The following MAT1A variants were observed in gnomAD, a reference collection of about 807,000 sequenced individuals.
MAT1A encodes the protein methionine adenosyltransferase 1A.
MAT1A carries 19 observed loss-of-function variants against 44.0 expected under a neutral mutation model. The observed-to-expected ratio is 0.43, with a 90% confidence interval of 0.30 to 0.63. MAT1A has a LOEUF of 0.63. MAT1A is among the 30% of genes least tolerant of loss of function. The pLI, the probability that MAT1A is intolerant of heterozygous loss-of-function variation, is 0.12. For missense variants in MAT1A, 397 were observed against 531.0 expected (o/e 0.75, Z 2.48); for synonymous variants, 205 against 205.6 (o/e 1.00, Z 0.03).
chr10:80,273,730 C>T lies in MAT1A; in HGVS notation c.*51G>A. On this transcript the variant is annotated 3_prime_UTR_variant, in exon 9 of 9. Coordinates refer to ENST00000372213, the MANE Select transcript of MAT1A (RefSeq NM_000429.3). ...CAGCCAGGCGTCTGGGGAAGAGGAG[C>T]ATGGCCACCAGGTGCCTCCAGGGTG... 1 of 1,322,746 alleles carries T rather than the reference C, an allele frequency of 7.6e-7. No individual in the cohort carries two copies. Among genetic ancestry groups the T allele is most frequent in the East Asian group, 2.3e-5 (1 of 43,488 alleles). The allele number at this position is 1,322,746 out of a possible 1,614,324, so 81.9% of individuals were successfully genotyped here.
rs1485042685 is a variant in MAT1A at position 80,272,282 on chromosome 10, G to A, written c.*1499C>T. 6.5e-6 allele frequency: 1 copy of A among 152,990 alleles called. No homozygotes were observed. Among genetic ancestry groups the A allele is most frequent in the Non-Finnish European group, 1.5e-5 (1 of 68,696 alleles). 9.5% of individuals were successfully genotyped at this position (152,990 alleles called of 1,614,324 possible). On this transcript the variant is annotated 3_prime_UTR_variant, in exon 9 of 9. Coordinates refer to ENST00000372213, the MANE Select transcript of MAT1A (RefSeq NM_000429.3). ...TGTGGTCCTGGGAGCTGGGGAGAAG[G>A]TAGAGATGCTGCTGTCAGAGGTCCA...
chr10:80,289,448 T>A lies in MAT1A; in HGVS notation c.-25A>T. 1 of 1,571,954 alleles carries A rather than the reference T, an allele frequency of 6.4e-7. No homozygotes were observed. Among genetic ancestry groups the A allele is most frequent in the Non-Finnish European group, 8.8e-7 (1 of 1,141,534 alleles). ...TCTTCTCACACTTCTCCACTCACGC[T>A]TCTTTCAGTGAACAATTTTGAGGCT... On this transcript the variant is annotated 5_prime_UTR_variant, in exon 1 of 9. It adds an upstream start codon to the 5' untranslated region. Transcript: ENST00000372213.
At chr10:80,286,985 G>A (rs113981585) in intron 1 of MAT1A, among the ~76,000 whole-genome samples, 1,765 of 152,320 alleles carry the variant, frequency 0.012, 30 homozygotes, top group African/African-American at 0.041. Flanking sequence ...GGCAGACCCT[G>A]GTAGTACCTT....
At chr10:80,280,919 G>T in intron 3 of MAT1A, 127 bp from the exon 4 acceptor site, 1 of 742,992 alleles carries the variant, frequency 1.3e-6, no homozygotes, top group East Asian at 2.6e-5. Context: ...TAACTAGCCA[G>T]GGTCTGTCTA....
At position 80,273,205 on chromosome 10, in the gene MAT1A, T is replaced by G. The variant is rs566190628; in HGVS notation, c.*576A>C. ...GGATATAAAAGGTACTACCTCATCATGTTGCAGTGAAGAAAAAACGAGATC... is the reference window on the plus strand; with the variant it reads ...GGATATAAAAGGTACTACCTCATCAGGTTGCAGTGAAGAAAAAACGAGATC... On this transcript the variant is annotated 3_prime_UTR_variant, in exon 9 of 9. Coordinates refer to ENST00000372213, the MANE Select transcript of MAT1A (RefSeq NM_000429.3). 2 of 164,174 alleles carry G rather than the reference T, an allele frequency of 1.2e-5. No homozygotes were observed. The highest frequency in any genetic ancestry group is 1.8e-4 in the East Asian group (1 of 5,686). 10.2% of individuals were successfully genotyped at this position (164,174 alleles called of 1,614,324 possible).
At chr10:80,281,994 C>A (rs927295317) in intron 3 of MAT1A, among the ~76,000 whole-genome samples, 1 of 152,200 alleles carries the variant, frequency 6.6e-6, no homozygotes, top group African/African-American at 2.4e-5. Context: ...GAACTTACCC[C>A]AGGGCACCTC....
In MAT1A at chr10:80,273,710, A is replaced by T; in HGVS notation, c.*71T>A. On this transcript the variant is annotated 3_prime_UTR_variant, in exon 9 of 9. Transcript: ENST00000372213. Reference sequence around the variant, plus strand: ...TGGGTGGGGAAGGCGATCAGCAGCCAGGCGTCTGGGGAAGAGGAGCATGGC... The same window carrying T: ...TGGGTGGGGAAGGCGATCAGCAGCCTGGCGTCTGGGGAAGAGGAGCATGGC... 2 of 1,103,896 alleles carry T rather than the reference A, an allele frequency of 1.8e-6. No individual in the cohort carries two copies. Among genetic ancestry groups the T allele is most frequent in the African/African-American group, 3.1e-5 (2 of 64,498 alleles). The allele number at this position is 1,103,896 out of a possible 1,614,324, so 68.4% of individuals were successfully genotyped here.
At chr10:80,283,220 C>T (rs971449516) in intron 3 of MAT1A, among the ~76,000 whole-genome samples, 1 of 152,236 alleles carries the variant, frequency 6.6e-6, no homozygotes, top group African/African-American at 2.4e-5. Context: ...CTGGTGTCTG[C>T]TCTCTGGGTC....
intron 8 of MAT1A, 79 bp from the exon 9 acceptor site, chr10:80,273,962 G>C: frequency 9.6e-7 from 1 of 1,041,392 alleles, no homozygotes; most frequent in Non-Finnish European, 1.5e-6. Flanking sequence ...AGGACAGGAG[G>C]GAGCAACGAA....
chr10:80,276,184 C>G (rs752789025), intron 6 of MAT1A, among the ~76,000 whole-genome samples, 192 bp downstream of exon 6: 1 of 152,194 alleles, frequency 6.6e-6, no homozygotes, highest in Non-Finnish European at 1.5e-5. Context: ...TGCACACTGT[C>G]AGACACATAG....
chr10:80,277,664 C>T (rs902967312), intron 5 of MAT1A, among the ~76,000 whole-genome samples: 12 of 152,138 alleles, frequency 7.9e-5, no homozygotes, highest in East Asian at 3.9e-4. Flanking sequence ...CATGGAGCCT[C>T]GGGAGAAGGT....
intron 3 of MAT1A, among the ~76,000 whole-genome samples, chr10:80,282,220 G>A (rs1477272471): frequency 2.0e-5 from 3 of 152,162 alleles, no homozygotes; most frequent in Non-Finnish European, 4.4e-5. Flanking sequence ...AGGGCTCCAA[G>A]GAATTTGGAA....
intron 7 of MAT1A, 147 bp from the exon 8 acceptor site, chr10:80,274,800 C>T (rs760142147): frequency 2.6e-5 from 33 of 1,279,046 alleles, no homozygotes; most frequent in Admixed American, 1.4e-4. Flanking sequence ...CTATCTTCAC[C>T]GAGGGCAGTT....
In MAT1A at chr10:80,280,340, C is replaced by T. The variant is rs200582092; in HGVS notation, c.406-24G>A. On this transcript the variant is annotated intron_variant, in intron 4 of 8. Transcript: ENST00000372213. ...CCCTGTGGCGAGAGAGCAGGCTGAG[C>T]GGCGCCCACCCTAGACCAAGAGGAC... The T allele has an allele frequency of 8.0e-3, 12,976 of 1,612,944 alleles. 67 individuals are homozygous for T. Among genetic ancestry groups the T allele is most frequent in the Non-Finnish European group, 9.3e-3 (11,013 of 1,179,852 alleles).
At chr10:80,282,027 A>G (rs1841573732) in intron 3 of MAT1A, among the ~76,000 whole-genome samples, 1 of 152,170 alleles carries the variant, frequency 6.6e-6, no homozygotes, top group Non-Finnish European at 1.5e-5. Context: ...ATACCCTGGG[A>G]GTATCAGGTC....
intron 1 of MAT1A, among the ~76,000 whole-genome samples, chr10:80,288,493 C>T (rs893704668): frequency 2.6e-5 from 4 of 152,196 alleles, no homozygotes; most frequent in South Asian, 2.1e-4. Flanking sequence ...TAGTTCTCAC[C>T]GTCATCAAGG....
Position 80,273,492 on chromosome 10 carries a change from AATTCAC to A in MAT1A, c.*283_*288del. 2.4e-6 allele frequency: 1 copy of A among 414,364 alleles called. No individual in the cohort carries two copies. Among genetic ancestry groups the A allele is most frequent in the Non-Finnish European group, 4.5e-6 (1 of 219,894 alleles). The allele number at this position is 414,364 out of a possible 1,614,324, so 25.7% of individuals were successfully genotyped here. A position where few individuals can be genotyped will look rare whatever the true frequency, so the allele number is the denominator to read the frequency against. On this transcript the variant is annotated 3_prime_UTR_variant, in exon 9 of 9. Coordinates refer to ENST00000372213, the MANE Select transcript of MAT1A (RefSeq NM_000429.3). ...AGCTGTTGGGGGAGACGAGTGAGGG[AATTCAC>A]TCTTGACGGGGGTGCCTTTTCCACT...
intron 7 of MAT1A, 128 bp from the exon 8 acceptor site, chr10:80,274,781 A>G: frequency 7.4e-7 from 1 of 1,351,704 alleles, no homozygotes; most frequent in South Asian, 1.2e-5. Context: ...CTCCCCTGCA[A>G]TTTTCCTGCT....
At chr10:80,274,029 C>T (rs77492703) in intron 8 of MAT1A, 146 bp from the exon 9 acceptor site, 1 of 700,258 alleles carries the variant, frequency 1.4e-6, no homozygotes, top group Admixed American at 2.0e-5. Flanking sequence ...TTGCGCGCAC[C>T]CATCCTATCT....
Sources: gnomAD v4.1 joint callset for allele counts (sites outside exome capture counted in the v4.1 genomes callset) on GRCh38, gnomAD v4.1.1 for gene constraint, MANE v1.5 for transcripts, NCBI Gene and HGNC (gene_info 2026-07-23, HGNC 2026-07-21) for gene names.